The following C8orf88 variants were observed in gnomAD, a reference collection of about 807,000 sequenced individuals.
The protein encoded by C8orf88 is chromosome 8 open reading frame 88, also known as uncharacterized protein C8orf88.
A neutral mutation model predicts 18.4 loss-of-function variants in C8orf88; 14 were observed. The ratio of observed to expected loss-of-function variants is 0.76; its 90% confidence interval spans 0.50 to 1.19. The LOEUF is 1.19. Among genes scored for constraint, C8orf88 ranks in the 50% most tolerant of loss-of-function variants. C8orf88 has a pLI of 0.00. For missense variants in C8orf88, 116 were observed against 134.7 expected, an observed-to-expected ratio of 0.86 and a Z score of 0.69; for synonymous variants, 45 against 42.9, an observed-to-expected ratio of 1.05 and a Z score of -0.19.
intron 4 of C8orf88, among the ~76,000 whole-genome samples, chr8:90,969,454 T>C (rs115343904): frequency 2.8e-3 from 429 of 152,000 alleles, no homozygotes; most frequent in African/African-American, 6.2e-3. Flanking sequence ...TACATAGTTA[T>C]GAAAATATCA....
intron 4 of C8orf88, among the ~76,000 whole-genome samples, chr8:90,967,100 C>T (rs1161351623): frequency 6.6e-6 from 1 of 151,758 alleles, no homozygotes; most frequent in East Asian, 1.9e-4. Flanking sequence ...AAAAAAGAAA[C>T]AGTGAAAGTG....
At chr8:90,964,853 C>G (rs2130303747) in intron 4 of C8orf88, among the ~76,000 whole-genome samples, 1 of 150,722 alleles carries the variant, frequency 6.6e-6, no homozygotes, top group Admixed American at 6.6e-5. Flanking sequence ...AAATTAATAC[C>G]CAACACAGCA....
intron 4 of C8orf88, among the ~76,000 whole-genome samples, chr8:90,964,992 T>C (rs978934690): frequency 4.6e-5 from 7 of 151,200 alleles, no homozygotes; most frequent in African/African-American, 1.5e-4. Context: ...AGAAGACAAA[T>C]AGCAAAATGG....
At position 90,980,400 on chromosome 8, in the gene C8orf88, T is replaced by G. The variant is rs1416914708; in HGVS notation, c.36A>C (p.Gln12His). 2 of 1,534,026 alleles carry G rather than the reference T, an allele frequency of 1.3e-6. No homozygotes were observed. Among genetic ancestry groups the G allele is most frequent in the East Asian group, 2.4e-5 (1 of 40,818 alleles). ...TCAGATGACGAACAGGTCTTGCTGG[T>G]TGAAGCGGTTTACCAATTAATTTTT... ...ETKKLIGKPL[Q>H]PARPVRHLTS... Residue 12 changes from glutamine (Q) to histidine (H), a missense_variant, in exon 2 of 6, where the codon CAA (glutamine) becomes CAC (histidine). Gln to His is a conservative substitution (Grantham distance 24). Coordinates refer to ENST00000517562, the MANE Select transcript of C8orf88 (RefSeq NM_001190972.2).
Position 90,959,036 on chromosome 8 carries a change from A to C in C8orf88, c.331-6T>G. On this transcript the variant is annotated splice_region_variant and splice_polypyrimidine_tract_variant and intron_variant, in intron 5 of 5. Transcript: ENST00000517562. ...TTAAAACTTTGGTTGTTTTCCTGTA[A>C]TATAAAAGAAAAAGTTAATTTATCA... The C allele has an allele frequency of 7.6e-7, 1 of 1,312,920 alleles. No individual in the cohort carries two copies. Among genetic ancestry groups the C allele is most frequent in the Non-Finnish European group, 1.0e-6 (1 of 970,492 alleles). The allele number at this position is 1,312,920 out of a possible 1,614,324, so 81.3% of individuals were successfully genotyped here. A position where few individuals can be genotyped will look rare whatever the true frequency, so the allele number is the denominator to read the frequency against.
intron 3 of C8orf88, among the ~76,000 whole-genome samples, chr8:90,974,259 T>C (rs555521324): frequency 3.7e-4 from 56 of 152,174 alleles, no homozygotes; most frequent in Non-Finnish European, 7.9e-4. Flanking sequence ...CAGTCCCAGA[T>C]ATTAAGAGAC....
intron 3 of C8orf88, 27 bp from the exon 4 acceptor site, chr8:90,971,168 T>C (rs1413897052): frequency 3.7e-6 from 5 of 1,333,450 alleles, no homozygotes; most frequent in Non-Finnish European, 4.9e-6. Context: ...AAATAAACTT[T>C]TTAACTCAGG....
chr8:90,965,823 T>C (rs1166189092), intron 4 of C8orf88, among the ~76,000 whole-genome samples: 1 of 151,810 alleles, frequency 6.6e-6, no homozygotes, highest in African/African-American at 2.4e-5. Context: ...TTAGAAAATA[T>C]GTGACAAATG....
At chr8:90,969,725 A>C (rs534163788) in intron 4 of C8orf88, among the ~76,000 whole-genome samples, 1 of 152,020 alleles carries the variant, frequency 6.6e-6, no homozygotes, top group South Asian at 2.1e-4. Flanking sequence ...ATTGTTGCAC[A>C]ACAATTGTGA....
chr8:90,972,570 A>G (rs1050290246), intron 3 of C8orf88, among the ~76,000 whole-genome samples: 2 of 152,080 alleles, frequency 1.3e-5, no homozygotes, highest in African/African-American at 4.8e-5. Flanking sequence ...TAAAATACTG[A>G]TTATTTCAAA....
intron 1 of C8orf88, among the ~76,000 whole-genome samples, chr8:90,984,664 G>C (rs923303448): frequency 6.6e-6 from 1 of 152,100 alleles, no homozygotes; most frequent in African/African-American, 2.4e-5. Context: ...AGGTGTCTGT[G>C]ATTACTTTAG....
At chr8:90,962,285 C>CT (rs1050447371) in intron 4 of C8orf88, among the ~76,000 whole-genome samples, 1 of 151,518 alleles carries the variant, frequency 6.6e-6, no homozygotes, top group Non-Finnish European at 1.5e-5. Context: ...ACCCAATACC[C>CT]TTTTTTCACG....
chr8:90,975,600 T>C lies in C8orf88; in HGVS notation c.147+2979A>G, dbSNP rs565931145. On this transcript the variant is annotated intron_variant, in intron 3 of 5. Coordinates refer to ENST00000517562, the MANE Select transcript of C8orf88 (RefSeq NM_001190972.2). The stretch of plus-strand genomic sequence containing the variant: ...TAATTTAAATACAATGAGATACCAC[T>C]ACTTACACACTAAAATGGCTAAAAA... 2.6e-5 allele frequency among the ~76,000 whole-genome samples: 4 copies of C among 152,224 alleles called. No individual in the cohort carries two copies. In the East Asian group the frequency reaches 7.7e-4, roughly 29 times the overall value.
At chr8:90,974,140 TA>T (rs1408976284) in intron 3 of C8orf88, among the ~76,000 whole-genome samples, 1 of 152,178 alleles carries the variant, frequency 6.6e-6, no homozygotes, top group Non-Finnish European at 1.5e-5. Flanking sequence ...ATATTCTTGA[TA>T]CTCTTCTCAT....
chr8:90,961,462 TAAAAG>T (rs774647001), intron 4 of C8orf88, among the ~76,000 whole-genome samples: 29 of 150,676 alleles, frequency 1.9e-4, no homozygotes, highest in Non-Finnish European at 3.6e-4. Flanking sequence ...TTTAATGTGC[TAAAAG>T]AAAAGAACGG....
At chr8:90,964,288 C>T (rs921182898) in intron 4 of C8orf88, among the ~76,000 whole-genome samples, 1 of 151,590 alleles carries the variant, frequency 6.6e-6, no homozygotes, top group East Asian at 1.9e-4. Context: ...AGCAATTCAT[C>T]ACTTACAAGA....
At position 90,960,820 on chromosome 8, in the gene C8orf88, C is replaced by T; in HGVS notation, c.252G>A (p.Leu84=). Residue 84 remains leucine, a synonymous_variant, in exon 5 of 6, where the codon CTG becomes CTA. Transcript: ENST00000517562. ...AGATGGAAACACTTGAGAGCTTCAA[C>T]AGGAAATCTCTGCTGTATTTAATTC... ...KERIKYSRDF[L]LKLSSVSICR... is the part of the protein sequence containing the mutation. 2 of 1,529,492 alleles carry T rather than the reference C, an allele frequency of 1.3e-6. No individual in the cohort carries two copies. The highest frequency in any genetic ancestry group is 1.8e-6 in the Non-Finnish European group (2 of 1,141,884). The allele number at this position is 1,529,492 out of a possible 1,614,324, so 94.7% of individuals were successfully genotyped here.
intron 1 of C8orf88, among the ~76,000 whole-genome samples, chr8:90,984,407 A>G (rs1811475159): frequency 6.6e-6 from 1 of 152,204 alleles, no homozygotes; most frequent in Non-Finnish European, 1.5e-5. Flanking sequence ...AACATCGGGG[A>G]GTAAGAAATA....
At chr8:90,960,256 A>G (rs529645677) in intron 5 of C8orf88, among the ~76,000 whole-genome samples, 1 of 151,548 alleles carries the variant, frequency 6.6e-6, no homozygotes. Flanking sequence ...AGAAAAATAC[A>G]TGAGATGATT....
Sources: gnomAD v4.1 joint callset for allele counts (sites outside exome capture counted in the v4.1 genomes callset) on GRCh38, gnomAD v4.1.1 for gene constraint, MANE v1.5 for transcripts, NCBI Gene and HGNC (gene_info 2026-07-23, HGNC 2026-07-21) for gene names.